Variants in MRPS27 observed in about 807,000 individuals in gnomAD.
MRPS27 encodes mitochondrial ribosomal protein S27.
MRPS27 carries 43 observed loss-of-function variants against 48.9 expected under a neutral mutation model. The ratio of observed to expected loss-of-function variants is 0.88; its 90% CI spans 0.69 to 1.13. The LOEUF is 1.13. Among genes scored for constraint, MRPS27 ranks in the 50% most tolerant of loss-of-function variants. The probability of loss-of-function intolerance (pLI) is 0.00; values close to 1 mark genes in which losing one functional copy is unlikely to be tolerated. For synonymous variants in MRPS27, 188 were observed against 171.9 expected, an observed-to-expected ratio of 1.09 and a Z score of -0.73; for missense variants, 467 against 476.3, an observed-to-expected ratio of 0.98 and a Z score of 0.18.
chr5:72,280,292 A>G (rs1749501253), intron 4 of MRPS27, among the ~76,000 whole-genome samples: 1 of 152,220 alleles, frequency 6.6e-6, no homozygotes, highest in Non-Finnish European at 1.5e-5. Context: ...CACTGAATTT[A>G]TAGATGAAAT....
At chr5:72,241,510 G>A in intron 4 of MRPS27, 1 of 773,624 alleles carries the variant, frequency 1.3e-6, no homozygotes, top group Non-Finnish European at 2.1e-6. Flanking sequence ...GGGCCAGCGG[G>A]GTTCAATTTT....
At chr5:72,274,576 T>G (rs1042456939) in intron 4 of MRPS27, among the ~76,000 whole-genome samples, 2 of 152,192 alleles carry the variant, frequency 1.3e-5, no homozygotes, top group East Asian at 3.8e-4. Context: ...ACTTTCTTTT[T>G]CATAAGTAGG....
chr5:72,259,095 CCCATCCAGAAAACT>C (rs1748893095), intron 4 of MRPS27, among the ~76,000 whole-genome samples: 1 of 152,112 alleles, frequency 6.6e-6, no homozygotes, highest in Non-Finnish European at 1.5e-5. Context: ...AAGATCACCC[CCCATCCAGAAAACT>C]CCATGGTCTG....
chr5:72,228,259 A>G lies in MRPS27; in HGVS notation c.694+7T>C. 1 of 1,594,366 alleles carries G rather than the reference A, an allele frequency of 6.3e-7. No individual in the cohort carries two copies. The highest frequency in any genetic ancestry group is 1.7e-5 in the Admixed American group (1 of 59,896). ...AGAACAGTATTTGTAAGGATCATTT[A>G]GCTTACCAAGAAGTGCATAGCCATA... On this transcript the variant is annotated splice_region_variant and intron_variant, in intron 8 of 10. Transcript: ENST00000261413.
At chr5:72,295,391 C>A in intron 4 of MRPS27, 140 bp downstream of exon 4, 6 of 579,202 alleles carry the variant, frequency 1.0e-5, no homozygotes, top group South Asian at 8.5e-5. Flanking sequence ...AAATCAGAAA[C>A]TCTCTCTATA....
intron 10 of MRPS27, among the ~76,000 whole-genome samples, chr5:72,222,686 G>A (rs1747780264): frequency 6.6e-6 from 1 of 152,188 alleles, no homozygotes; most frequent in Non-Finnish European, 1.5e-5. Flanking sequence ...CAAAGAGCCT[G>A]AAGGGGCAGG....
At chr5:72,261,544 C>T (rs1420915405) in intron 4 of MRPS27, among the ~76,000 whole-genome samples, 1 of 151,596 alleles carries the variant, frequency 6.6e-6, no homozygotes, top group Admixed American at 6.6e-5. Context: ...TGTTACTGTA[C>T]TTGGATGCTA....
intron 4 of MRPS27, among the ~76,000 whole-genome samples, chr5:72,252,648 G>C (rs1277116298): frequency 6.6e-6 from 1 of 152,208 alleles, no homozygotes; most frequent in Admixed American, 6.5e-5. Flanking sequence ...TTGAGCACCA[G>C]AAGTAGGTGG....
At chr5:72,278,308 T>G (rs1441868269) in intron 4 of MRPS27, among the ~76,000 whole-genome samples, 1 of 151,986 alleles carries the variant, frequency 6.6e-6, no homozygotes, top group East Asian at 1.9e-4. Flanking sequence ...CTGGGCATGG[T>G]GGCGAGCGCC....
chr5:72,319,513 G>A (rs1202297042), intron 1 of MRPS27, among the ~76,000 whole-genome samples: 2 of 150,626 alleles, frequency 1.3e-5, no homozygotes, highest in Admixed American at 6.6e-5. Context: ...CCCAGCCCCA[G>A]GAATGGACAC....
At chr5:72,289,855 C>T (rs1013835195) in intron 4 of MRPS27, among the ~76,000 whole-genome samples, 2 of 152,118 alleles carry the variant, frequency 1.3e-5, no homozygotes, top group African/African-American at 4.8e-5. Context: ...GTAGAAGGAG[C>T]AAGTTTAATT....
Position 72,318,718 on chromosome 5 carries a change from C to T in MRPS27, c.73+1431G>A, listed in dbSNP as rs932552118. On this transcript the variant is annotated intron_variant, in intron 1 of 10. Transcript: ENST00000261413. ...CTGAGGCAGGAGAATCACTTGAACC[C>T]GGGAGGCAGAGGCTGCAGTAAGCCG... 9.4e-5 allele frequency among the ~76,000 whole-genome samples: 14 copies of T among 149,532 alleles called. No individual in the cohort carries two copies. The East Asian group carries it at 2.7e-3, about 29-fold the overall frequency.
chr5:72,228,113 G>T, intron 8 of MRPS27, 153 bp downstream of exon 8: 1 of 674,906 alleles, frequency 1.5e-6, no homozygotes, highest in Non-Finnish European at 2.5e-6. Flanking sequence ...TGGAGTAACT[G>T]TAAGGCCATC....
At chr5:72,247,706 T>C (rs1170775573) in intron 4 of MRPS27, among the ~76,000 whole-genome samples, 1 of 152,250 alleles carries the variant, frequency 6.6e-6, no homozygotes, top group Non-Finnish European at 1.5e-5. Context: ...TACTCAAATA[T>C]TTCAGTGCAA....
chr5:72,285,610 A>G (rs1749651698), intron 4 of MRPS27, among the ~76,000 whole-genome samples: 2 of 152,082 alleles, frequency 1.3e-5, no homozygotes, highest in South Asian at 4.2e-4. Context: ...TCAGCCTCCT[A>G]AGTAGTTAGG....
In MRPS27 at chr5:72,238,054, T is replaced by C. The variant is rs763678518; in HGVS notation, c.356A>G (p.Tyr119Cys). The change falls in exon 5 of 11, where the codon TAT becomes TGT. Residue 119 changes from tyrosine (Y) to cysteine (C), a missense_variant. Transcript: ENST00000261413. ...ATATAGGGCTTTGTCTTGTGCATCATATTTTAGACACTGCCTAATCCAGGT... is the reference window on the plus strand; with the variant it reads ...ATATAGGGCTTTGTCTTGTGCATCACATTTTAGACACTGCCTAATCCAGGT... ...IHTWIRQCLK[Y>C]DAQDKALYTL... 2 of 1,613,596 alleles carry C rather than the reference T, an allele frequency of 1.2e-6. No individual in the cohort carries two copies. The highest frequency in any genetic ancestry group is 1.7e-6 in the Non-Finnish European group (2 of 1,179,668).
rs750514644 is a variant in MRPS27, at chr5:72,226,219, T to C, written c.695-20A>G. 2 of 1,612,710 alleles carry C rather than the reference T, an allele frequency of 1.2e-6. No individual in the cohort carries two copies. Among genetic ancestry groups the C allele is most frequent in the African/African-American group, 1.3e-5 (1 of 74,936 alleles). The stretch of plus-strand genomic sequence containing the variant: ...CCTTCCCTGTGGCCAAAAAGAACAA[T>C]AAAGAATGCTCAGCCATGTCTTCCC... On this transcript the variant is annotated intron_variant, in intron 8 of 10. Coordinates refer to ENST00000261413, the MANE Select transcript of MRPS27 (RefSeq NM_015084.3).
At position 72,220,928 on chromosome 5, in the gene MRPS27, G is replaced by A. The variant is rs1442792243; in HGVS notation, c.1226C>T (p.Ala409Val). The change falls in exon 11 of 11, where the codon GCA becomes GTA. Residue 409 changes from alanine (A) to valine (V), a missense_variant. Transcript: ENST00000261413. ...ACCCTATTAGGCAGATGCCTTTGCTGCTTTCTGAGCCTGGTACTCCTGCTT... is the reference window on the plus strand; with the variant it reads ...ACCCTATTAGGCAGATGCCTTTGCTACTTTCTGAGCCTGGTACTCCTGCTT... Reference protein sequence around the residue: ...QAKQEYQAQKAAKASA With the variant: ...QAKQEYQAQKVAKASA The A allele has an allele frequency of 1.9e-6, 3 of 1,614,140 alleles. No individual in the cohort carries two copies. Among genetic ancestry groups the A allele is most frequent in the Non-Finnish European group, 2.5e-6 (3 of 1,179,986 alleles).
intron 4 of MRPS27, among the ~76,000 whole-genome samples, chr5:72,292,017 T>C (rs1389701137): frequency 1.3e-5 from 2 of 152,268 alleles, no homozygotes; most frequent in South Asian, 4.1e-4. Context: ...ATAAAGTCCC[T>C]GGCTCAAATC....
Sources: allele counts gnomAD v4.1 joint callset (sites outside exome capture counted in the v4.1 genomes callset), GRCh38; gene constraint gnomAD v4.1.1; transcripts MANE v1.5; gene names NCBI Gene and HGNC (gene_info 2026-07-23, HGNC 2026-07-21).